AGBL1: variants seen among roughly 807,000 people sequenced by gnomAD.
The protein encoded by AGBL1 is cytosolic carboxypeptidase 4.
A neutral mutation model predicts 118.9 loss-of-function variants in AGBL1; 130 were observed. The ratio of observed to expected loss-of-function variants is 1.09; its 90% CI spans 0.95 to 1.26. The LOEUF (loss-of-function observed/expected upper bound fraction) is 1.26, where lower values mean the gene tolerates loss of function less well. AGBL1 is among the 50% of genes most tolerant of loss of function. The pLI is 0.00. For missense variants in AGBL1, 1,584 were observed against 1,298.1 expected (o/e 1.22, Z -3.38); for synonymous variants, 555 against 478.9 (o/e 1.16, Z -2.08).
chr15:86,623,991 C>T (rs2084848640), intron 21 of AGBL1, among the ~76,000 whole-genome samples: 1 of 152,006 alleles, frequency 6.6e-6, no homozygotes, highest in South Asian at 2.1e-4. Context: ...TAAAAGCAAG[C>T]ATAAAAAATA....
rs189978014 is a variant in AGBL1 at position 86,816,731 on chromosome 15, A to T, written c.3159-90356A>T. On this transcript the variant is annotated intron_variant, in intron 22 of 22. Coordinates refer to ENST00000614907, the MANE Select transcript of AGBL1 (RefSeq NM_001386094.1). The stretch of plus-strand genomic sequence containing the variant: ...GAGAGAAGACTTGGCACAACTGGGA[A>T]ACTGGCCCCCTCTCTGAGGTCAGTG... Among the ~76,000 whole-genome samples, 7 of 152,310 alleles carry T rather than the reference A, an allele frequency of 4.6e-5. No homozygotes were observed. The East Asian group carries it at 1.4e-3, about 29-fold the overall frequency.
intron 18 of AGBL1, among the ~76,000 whole-genome samples, chr15:86,469,712 T>C (rs1017652004): frequency 1.3e-5 from 2 of 152,162 alleles, no homozygotes; most frequent in Non-Finnish European, 2.9e-5. Flanking sequence ...ACAAAGGGTA[T>C]TTTTCCTTAC....
chr15:86,143,828 C>A lies in AGBL1; in HGVS notation c.245C>A (p.Ala82Asp), dbSNP rs1347228449. 18 of 1,613,596 alleles carry A rather than the reference C, an allele frequency of 1.1e-5. No individual in the cohort carries two copies. Among genetic ancestry groups the A allele is most frequent in the Non-Finnish European group, 1.4e-5 (17 of 1,179,742 alleles). ...DILLPLFRLL[A>D]KVGLRDKKIG... Reference sequence around the variant, plus strand: ...CTCCTGCCTCTCTTCCGGCTGCTGGCCAAAGTTGGCCTAAGAGGTACTCGT... The same window carrying A: ...CTCCTGCCTCTCTTCCGGCTGCTGGACAAAGTTGGCCTAAGAGGTACTCGT... The change falls in exon 3 of 23, where the codon GCC becomes GAC. Residue 82 changes from alanine (A) to aspartate (D), a missense_variant. Ala to Asp is a moderately radical substitution (Grantham distance 126). Coordinates refer to ENST00000614907, the MANE Select transcript of AGBL1 (RefSeq NM_001386094.1).
rs1332569301 is a variant in AGBL1 at position 86,532,384 on chromosome 15, C to G, written c.2685+9445C>G. ...AATTGCTTCAAAGAGAATAAAATAC[C>G]TAGGAATCCAACTTACAAGGGATGT... On this transcript the variant is annotated intron_variant, in intron 19 of 22. Transcript: ENST00000614907. Among the ~76,000 whole-genome samples the G allele has an allele frequency of 5.5e-5, 8 of 146,346 alleles. No homozygotes were observed. The East Asian group carries it at 1.6e-3, about 30-fold the overall frequency.
At chr15:86,790,968 A>G (rs993885123) in intron 22 of AGBL1, among the ~76,000 whole-genome samples, 26 of 152,214 alleles carry the variant, frequency 1.7e-4, no homozygotes, top group African/African-American at 5.8e-4. Flanking sequence ...TCCATGTAGC[A>G]GATGACAGGA....
intron 23 of AGBL1, among the ~76,000 whole-genome samples, chr15:86,969,445 C>T (rs1381870155): frequency 6.6e-6 from 1 of 151,754 alleles, no homozygotes. Context: ...CACCTTAAGT[C>T]TCTGCCATGT....
intron 17 of AGBL1, among the ~76,000 whole-genome samples, chr15:86,319,364 A>T (rs1040772016): frequency 6.6e-6 from 1 of 152,136 alleles, no homozygotes; most frequent in African/African-American, 2.4e-5. Context: ...ATGTGATGGT[A>T]TCTCATTGTA....
At chr15:86,367,231 A>C (rs1255434871) in intron 17 of AGBL1, among the ~76,000 whole-genome samples, 1 of 152,170 alleles carries the variant, frequency 6.6e-6, no homozygotes, top group Non-Finnish European at 1.5e-5. Context: ...AAAACTAAAC[A>C]ATGCCCTCAG....
chr15:86,200,844 G>A (rs1441411580), intron 5 of AGBL1, among the ~76,000 whole-genome samples: 1 of 151,910 alleles, frequency 6.6e-6, no homozygotes, highest in Non-Finnish European at 1.5e-5. Flanking sequence ...TCCAACTCCT[G>A]ACCTCAGGTG....
At position 86,846,210 on chromosome 15, in the gene AGBL1, A is replaced by C. The variant is rs370230692; in HGVS notation, c.3159-60877A>C. ...TGTATGACATCTCAGCTAGAAAAGCACTCTCTCAAGCTTTGATTGTCTGGC... is the reference window on the plus strand; with the variant it reads ...TGTATGACATCTCAGCTAGAAAAGCCCTCTCTCAAGCTTTGATTGTCTGGC... On this transcript the variant is annotated intron_variant, in intron 22 of 22. Transcript: ENST00000614907. 4.6e-5 allele frequency among the ~76,000 whole-genome samples: 7 copies of C among 151,750 alleles called. No individual in the cohort carries two copies. In the East Asian group the frequency reaches 1.4e-3, roughly 29 times the overall value.
chr15:86,404,858 G>T (rs760646908), intron 18 of AGBL1, among the ~76,000 whole-genome samples: 4 of 152,180 alleles, frequency 2.6e-5, no homozygotes, highest in Non-Finnish European at 5.9e-5. Flanking sequence ...GAAGTGTGTA[G>T]TCAATAAGTG....
At chr15:86,545,858 G>A (rs2083572706) in intron 19 of AGBL1, 144 bp from the exon 20 acceptor site, 1 of 927,856 alleles carries the variant, frequency 1.1e-6, no homozygotes, top group Non-Finnish European at 1.6e-6. Flanking sequence ...GCACATGGCT[G>A]GTCTGCTAAC....
intron 24 of AGBL1, among the ~76,000 whole-genome samples, chr15:87,010,395 T>C (rs1478028804): frequency 6.6e-6 from 1 of 152,180 alleles, no homozygotes; most frequent in Non-Finnish European, 1.5e-5. Flanking sequence ...CTTTTGTGAA[T>C]GGCCCAGCCT....
chr15:86,155,065 T>C lies in AGBL1; in HGVS notation c.394+504T>C, dbSNP rs143890770. 3.5e-3 allele frequency among the ~76,000 whole-genome samples: 540 copies of C among 152,342 alleles called. 3 individuals carry two copies. Among genetic ancestry groups the C allele is most frequent in the African/African-American group, 0.013 (521 of 41,582 alleles). On this transcript the variant is annotated intron_variant, in intron 4 of 22. Transcript: ENST00000614907. ...CTCCAGGTAATTATTAGGAACATCATTGCTCAGTTGATATTTATTTGCTAT... is the reference window on the plus strand; with the variant it reads ...CTCCAGGTAATTATTAGGAACATCACTGCTCAGTTGATATTTATTTGCTAT...
chr15:86,282,918 T>C (rs915680907), intron 16 of AGBL1, among the ~76,000 whole-genome samples: 1 of 152,226 alleles, frequency 6.6e-6, no homozygotes, highest in African/African-American at 2.4e-5. Flanking sequence ...ACTTGTATGT[T>C]GAATGTTTTT....
intron 22 of AGBL1, among the ~76,000 whole-genome samples, chr15:86,703,842 T>C (rs1167285500): frequency 6.6e-6 from 1 of 151,900 alleles, no homozygotes; most frequent in Non-Finnish European, 1.5e-5. Flanking sequence ...TTAAATCTCT[T>C]TTTTTTAGAA....
chr15:86,285,642 A>G (rs1347342399), intron 16 of AGBL1, among the ~76,000 whole-genome samples: 1 of 152,146 alleles, frequency 6.6e-6, no homozygotes, highest in Non-Finnish European at 1.5e-5. Context: ...CACATGACCC[A>G]GTCTCGGGTA....
At chr15:86,645,585 C>A (rs1411071898) in intron 21 of AGBL1, among the ~76,000 whole-genome samples, 1 of 152,064 alleles carries the variant, frequency 6.6e-6, no homozygotes, top group Admixed American at 6.6e-5. Context: ...CTCCTGTGCA[C>A]CTTTTATGAA....
At chr15:86,887,636 A>T (rs543868711) in intron 22 of AGBL1, among the ~76,000 whole-genome samples, 1 of 152,322 alleles carries the variant, frequency 6.6e-6, no homozygotes, top group Admixed American at 6.5e-5. Flanking sequence ...CCCTATAGAG[A>T]TGAGTTTCTG....
Sources: allele counts gnomAD v4.1 joint callset (sites outside exome capture counted in the v4.1 genomes callset), GRCh38; gene constraint gnomAD v4.1.1; transcripts MANE v1.5; gene names NCBI Gene and HGNC (gene_info 2026-07-23, HGNC 2026-07-21).